The following ANKLE2 variants were observed in gnomAD, a reference collection of about 807,000 sequenced individuals.
The protein encoded by ANKLE2 is ankyrin repeat and LEM domain-containing protein 2.
ANKLE2 carries 55 observed loss-of-function variants against 84.2 expected under a neutral mutation model. The ratio of observed to expected loss-of-function variants is 0.65; its 90% CI spans 0.53 to 0.82. The LOEUF (loss-of-function observed/expected upper bound fraction) is 0.82. ANKLE2 is among the 40% of genes least tolerant of loss of function. The pLI is 0.00. For missense variants in ANKLE2, 1,238 were observed against 1,201.9 expected, an observed-to-expected ratio of 1.03 and a Z score of -0.44; for synonymous variants, 551 against 486.1, an observed-to-expected ratio of 1.13 and a Z score of -1.76.
rs564711939 is a variant in ANKLE2, at chr12:132,728,298, C to A, written c.2484-135G>T. Reference sequence around the variant, plus strand: ...AGGCTGGAATGCAGTGGCGTGATCTCGGCTCATCGCAAGCTCCGCCTCCCG... The same window carrying A: ...AGGCTGGAATGCAGTGGCGTGATCTAGGCTCATCGCAAGCTCCGCCTCCCG... On this transcript the variant is annotated intron_variant, in intron 11 of 12. Transcript: ENST00000357997. 5 of 1,099,702 alleles carry A rather than the reference C, an allele frequency of 4.5e-6. No individual in the cohort carries two copies. In the East Asian group the frequency reaches 8.4e-5, roughly 18 times the overall value. 68.1% of individuals were successfully genotyped at this position (1,099,702 alleles called of 1,614,324 possible).
intron 10 of ANKLE2, among the ~76,000 whole-genome samples, chr12:132,733,215 T>C (rs1314842711): frequency 2.1e-5 from 3 of 145,780 alleles, no homozygotes; most frequent in Admixed American, 1.4e-4. Context: ...TGAAGCTCTC[T>C]GCGTCCTGGT....
intron 10 of ANKLE2, among the ~76,000 whole-genome samples, chr12:132,733,012 CTGTGTGAAGCGCTCTG>C: frequency 7.2e-6 from 1 of 139,182 alleles, no homozygotes; most frequent in Admixed American, 7.1e-5. Context: ...CTGATATGCA[CTGTGTGAAGCGCTCTG>C]CGTCCTGGTG....
intron 10 of ANKLE2, chr12:132,732,195 TGCGTCCTGGTGTCTGATACGCACC>T (rs2043869852): frequency 7.0e-6 from 1 of 142,364 alleles, no homozygotes; most frequent in African/African-American, 2.6e-5. Context: ...TGAAGCGCTC[TGCGTCCTGGTGTCTGATACGCACC>T]GTGTGAAGTG....
intron 8 of ANKLE2, among the ~76,000 whole-genome samples, chr12:132,736,043 CG>C (rs1410639422): frequency 6.6e-6 from 1 of 152,194 alleles, no homozygotes; most frequent in East Asian, 1.9e-4. Flanking sequence ...GCTCCACCTC[CG>C]GGGTTCAGGC....
chr12:132,727,886 G>C (rs1167945377), intron 12 of ANKLE2, 146 bp downstream of exon 12: 2 of 1,132,232 alleles, frequency 1.8e-6, no homozygotes, highest in Non-Finnish European at 2.5e-6. Flanking sequence ...TGTGCAGAGA[G>C]CCACAACACC....
At position 132,729,880 on chromosome 12, in the gene ANKLE2, T is replaced by C. The variant is rs757940974; in HGVS notation, c.2282A>G (p.Gln761Arg). 24 of 1,613,724 alleles carry C rather than the reference T, an allele frequency of 1.5e-5. No homozygotes were observed. In the South Asian group the frequency reaches 2.4e-4, roughly 16 times the overall value. ...TGCATTGATTCTTGAAGTCAGGATC[T>C]GATCTTTAGTTTTTGTACTTTCATC... ...TPDESTKTKD[Q>R]ILTSRINAVE... The change falls in exon 11 of 13, where the codon CAG (glutamine) becomes CGG (arginine). Residue 761 changes from glutamine to arginine, a missense_variant. Gln to Arg is a conservative substitution (Grantham distance 43). Transcript: ENST00000357997.
chr12:132,742,993 T>C (rs1593161483), intron 6 of ANKLE2, among the ~76,000 whole-genome samples, 161 bp downstream of exon 6: 1 of 152,162 alleles, frequency 6.6e-6, no homozygotes, highest in Admixed American at 6.6e-5. Flanking sequence ...CTTCACAAAG[T>C]GCATCTTACT....
At chr12:132,756,127 A>T (rs1217216107) in intron 1 of ANKLE2, 1 of 151,458 alleles carries the variant, frequency 6.6e-6, no homozygotes, top group East Asian at 2.0e-4. Flanking sequence ...AGCCCGTTGT[A>T]TTCTTTGGGA....
At chr12:132,746,160 A>G (rs1293348493) in intron 5 of ANKLE2, among the ~76,000 whole-genome samples, 2 of 152,154 alleles carry the variant, frequency 1.3e-5, no homozygotes, top group Admixed American at 1.3e-4. Flanking sequence ...CATCCTGGCT[A>G]ACACGGTGAA....
intron 2 of ANKLE2, among the ~76,000 whole-genome samples, chr12:132,753,087 A>C (rs1378056038): frequency 6.6e-6 from 1 of 152,016 alleles, no homozygotes; most frequent in African/African-American, 2.4e-5. Context: ...AGCCTGGCAG[A>C]TCACTTGAGC....
At position 132,743,099 on chromosome 12, in the gene ANKLE2, T is replaced by G; in HGVS notation, c.1353+55A>C. ...GTGCCTGTGATCACAGACTGTAAAT[T>G]TATATATTTCCATTTCTAACTCTAG... is the stretch of plus-strand genomic sequence containing the variant. On this transcript the variant is annotated intron_variant, in intron 6 of 12. Transcript: ENST00000357997. This position sits in a 1 kb window ranked among gnomAD's most constrained non-coding sequence, Gnocchi z 4.1. 1 of 1,508,654 alleles carries G rather than the reference T, an allele frequency of 6.6e-7. No individual in the cohort carries two copies. The highest frequency in any genetic ancestry group is 8.9e-7 in the Non-Finnish European group (1 of 1,118,204). 93.5% of individuals were successfully genotyped at this position (1,508,654 alleles called of 1,614,324 possible).
chr12:132,745,294 A>G, intron 5 of ANKLE2: 1 of 195,724 alleles, frequency 5.1e-6, no homozygotes, highest in East Asian at 1.3e-4. Context: ...CTGAGGAGGA[A>G]GAGCTCAGGG....
chr12:132,743,385 A>C lies in ANKLE2; in HGVS notation c.1231-109T>G. On this transcript the variant is annotated intron_variant, in intron 5 of 12. Transcript: ENST00000357997. This position sits in a 1 kb window ranked among gnomAD's most constrained non-coding sequence, Gnocchi z 4.1. ...CATTCATTCATTTATTTATTTTGAG[A>C]CGGAGTCTCACTGGCGTGATCTTGG... The C allele has an allele frequency of 7.3e-7, 1 of 1,369,272 alleles. No homozygotes were observed. The highest frequency in any genetic ancestry group is 2.6e-5 in the East Asian group (1 of 37,854). 84.8% of individuals were successfully genotyped at this position (1,369,272 alleles called of 1,614,324 possible).
chr12:132,749,222 C>A (rs2136163232), intron 3 of ANKLE2, among the ~76,000 whole-genome samples: 1 of 152,274 alleles, frequency 6.6e-6, no homozygotes, highest in East Asian at 1.9e-4. Context: ...GTGGCGCGAT[C>A]TCAGCTCACT....
Position 132,743,303 on chromosome 12 carries a change from A to G in ANKLE2, c.1231-27T>C. 3 of 1,573,424 alleles carry G rather than the reference A, an allele frequency of 1.9e-6. No individual in the cohort carries two copies. The highest frequency in any genetic ancestry group is 1.8e-5 in the Admixed American group (1 of 54,280). The stretch of plus-strand genomic sequence containing the variant: ...TGAAAAAAGGTGCAGAGGAAGTACA[A>G]TTATTCACACTTGTCTCATGAGGTT... On this transcript the variant is annotated intron_variant, in intron 5 of 12. Transcript: ENST00000357997. This position sits in a 1 kb window ranked among gnomAD's most constrained non-coding sequence, Gnocchi z 4.1.
In ANKLE2 at chr12:132,741,408, C is replaced by G. The variant is rs752557534; in HGVS notation, c.1420+11G>C. 6.2e-7 allele frequency: 1 copy of G among 1,613,782 alleles called. No individual in the cohort carries two copies. Among genetic ancestry groups the G allele is most frequent in the Non-Finnish European group, 8.5e-7 (1 of 1,179,926 alleles). ...GGACCCCACGATCCAGGCACCAACT[C>G]CCCATCTTACCCTTTAAATACTCTC... On this transcript the variant is annotated intron_variant, in intron 7 of 12. Coordinates refer to ENST00000357997, the MANE Select transcript of ANKLE2 (RefSeq NM_015114.3).
At position 132,726,560 on chromosome 12, in the gene ANKLE2, G is replaced by C. The variant is rs947130657; in HGVS notation, c.*682C>G. 1 of 152,160 alleles carries C rather than the reference G, an allele frequency of 6.6e-6. No individual in the cohort carries two copies. The highest frequency in any genetic ancestry group is 1.5e-5 in the Non-Finnish European group (1 of 68,052). The allele number at this position is 152,160 out of a possible 1,614,324, so 9.4% of individuals were successfully genotyped here. ...GCTGCTGAGCTCTGTGTTGCTCCTG[G>C]TATCACTCCCACGGGCTGCAAGACT... On this transcript the variant is annotated 3_prime_UTR_variant, in exon 13 of 13. Transcript: ENST00000357997.
In ANKLE2 at chr12:132,750,749, CTCAGCGTCTTCTCTGG is replaced by C; in HGVS notation, c.725_740del (p.Thr242ArgfsTer24). On this transcript the variant is annotated frameshift_variant, in exon 3 of 13. Coordinates refer to ENST00000357997, the MANE Select transcript of ANKLE2 (RefSeq NM_015114.3). LOFTEE classifies it high-confidence loss of function. ...AATCACAAATTCCTCTAGCAAATTT[CTCAGCGTCTTCTCTGG>C]TAGAAAAAGCTTTAAATCGGGACCC... The C allele has an allele frequency of 6.2e-7, 1 of 1,614,250 alleles. No homozygotes were observed. The highest frequency in any genetic ancestry group is 8.5e-7 in the Non-Finnish European group (1 of 1,180,054).
chr12:132,737,190 C>T (rs905564408), intron 7 of ANKLE2, 125 bp from the exon 8 acceptor site: 1 of 1,061,662 alleles, frequency 9.4e-7, no homozygotes, highest in Non-Finnish European at 1.3e-6. Context: ...ACAGACGGGG[C>T]AGAGGGTGGT....
Sources: gnomAD v4.1 joint callset for allele counts (sites outside exome capture counted in the v4.1 genomes callset) on GRCh38, gnomAD v4.1.1 for gene constraint, Gnocchi (gnomAD v3.1) non-coding constraint, MANE v1.5 for transcripts, NCBI Gene and HGNC (gene_info 2026-07-23, HGNC 2026-07-21) for gene names.